RAF1: variants seen among roughly 807,000 people sequenced by gnomAD.
RAF1 encodes the protein Raf-1 proto-oncogene, serine/threonine kinase, also known as RAF proto-oncogene serine/threonine-protein kinase.
Under a neutral mutation model 81.1 loss-of-function variants are expected in RAF1, and 27 were observed. The observed-to-expected ratio is 0.33, with a 90% CI of 0.25 to 0.46. The LOEUF is 0.46. Among genes scored for constraint, RAF1 ranks in the 20% least tolerant of loss-of-function variants. The probability of loss-of-function intolerance (pLI) is 1.00; values close to 1 mark genes in which losing one functional copy is unlikely to be tolerated. For synonymous variants in RAF1, 298 were observed against 294.0 expected, an observed-to-expected ratio of 1.01 and a Z score of -0.14; for missense variants, 598 against 826.0, an observed-to-expected ratio of 0.72 and a Z score of 3.38.
chr3:12,592,293 G>A (rs987211102), intron 11 of RAF1, among the ~76,000 whole-genome samples: 8 of 152,154 alleles, frequency 5.3e-5, no homozygotes, highest in African/African-American at 1.7e-4. Context: ...TAAGGAAGCA[G>A]GCCATTTAGC....
rs534816391 is a variant in RAF1, at chr3:12,585,629, G to T, written c.1596+52C>A. 1.2e-4 allele frequency: 176 copies of T among 1,466,752 alleles called. No individual in the cohort carries two copies. The Middle Eastern group carries it at 2.4e-3, about 20-fold the overall frequency. 90.9% of individuals were successfully genotyped at this position (1,466,752 alleles called of 1,614,324 possible). The stretch of plus-strand genomic sequence containing the variant: ...TTAAGTTTGCACATAAATCTCCAAG[G>T]CATTCCTTTTGCCCTATACCAGAGA... On this transcript the variant is annotated intron_variant, in intron 15 of 17. Transcript: ENST00000442415.
intron 14 of RAF1, among the ~76,000 whole-genome samples, chr3:12,586,370 A>AGAAGTCATACAGTT (rs2058332609): frequency 6.6e-6 from 1 of 152,234 alleles, no homozygotes; most frequent in African/African-American, 2.4e-5. Context: ...TTCTGGGTAA[A>AGAAGTCATACAGTT]GAAGTCATAC....
intron 1 of RAF1, among the ~76,000 whole-genome samples, chr3:12,655,643 T>C (rs1384646133): frequency 3.3e-5 from 5 of 152,120 alleles, no homozygotes; most frequent in Non-Finnish European, 7.4e-5. Context: ...TGCAGCATTA[T>C]TTACAACAAC....
chr3:12,658,695 A>G (rs951002612), intron 1 of RAF1, among the ~76,000 whole-genome samples: 1 of 152,216 alleles, frequency 6.6e-6, no homozygotes, highest in African/African-American at 2.4e-5. Context: ...TCTAAATCAT[A>G]AAGATTTTAA....
intron 13 of RAF1, 125 bp downstream of exon 12, chr3:12,590,673 C>T (rs2058484893): frequency 2.6e-6 from 3 of 1,149,294 alleles, no homozygotes; most frequent in Admixed American, 3.7e-5. Context: ...CAGCCCAGGC[C>T]AGAGGCTTGT....
intron 2 of RAF1, among the ~76,000 whole-genome samples, chr3:12,614,080 C>G (rs996922095): frequency 6.6e-6 from 1 of 152,148 alleles, no homozygotes; most frequent in Non-Finnish European, 1.5e-5. Context: ...AGGTCGTGAA[C>G]AACAGGGTAA....
chr3:12,612,839 C>T (rs1404083549), intron 2 of RAF1, among the ~76,000 whole-genome samples: 5 of 152,106 alleles, frequency 3.3e-5, no homozygotes, highest in Non-Finnish European at 5.9e-5. Context: ...TATATGTTCA[C>T]TAGATTCATT....
chr3:12,656,849 T>C (rs1244686878), intron 1 of RAF1, among the ~76,000 whole-genome samples: 1 of 151,910 alleles, frequency 6.6e-6, no homozygotes, highest in African/African-American at 2.4e-5. Context: ...ATACAAAATT[T>C]AGCCGGGCGT....
chr3:12,661,477 T>G (rs1053809628), intron 1 of RAF1, among the ~76,000 whole-genome samples: 5 of 151,492 alleles, frequency 3.3e-5, no homozygotes, highest in Non-Finnish European at 7.4e-5. Context: ...GAGGCCGAGG[T>G]GGGCAGATCT....
intron 3 of RAF1, among the ~76,000 whole-genome samples, chr3:12,609,627 G>C (rs1156903441): frequency 1.3e-5 from 2 of 152,124 alleles, no homozygotes; most frequent in Non-Finnish European, 2.9e-5. Flanking sequence ...TCAGAATAAA[G>C]TTTTCTCTTT....
At position 12,584,598 on chromosome 3, in the gene RAF1, G is replaced by T; in HGVS notation, c.1923C>A (p.Ser641=). 1.9e-6 allele frequency: 3 copies of T among 1,614,116 alleles called. No homozygotes were observed. ...GGGCTGCCCGATGCAAGGATGGCTC[G>T]GAAGCGCTCCGGTTGATCTTCGGTA... Residue 641 remains serine, a synonymous_variant, in exon 18 of 18, where the codon TCC becomes TCA. Transcript: ENST00000442415.
chr3:12,657,504 C>T (rs2060733565), intron 1 of RAF1, among the ~76,000 whole-genome samples: 1 of 152,148 alleles, frequency 6.6e-6, no homozygotes, highest in Non-Finnish European at 1.5e-5. Context: ...GGCGCAGTGG[C>T]TCACACCTGT....
At chr3:12,633,532 C>T (rs1269392498) in intron 1 of RAF1, among the ~76,000 whole-genome samples, 1 of 149,362 alleles carries the variant, frequency 6.7e-6, no homozygotes, top group Non-Finnish European at 1.5e-5. Context: ...AAAAAATCCA[C>T]AATGAAAGAA....
chr3:12,625,170 A>G (rs1176103202), intron 1 of RAF1, among the ~76,000 whole-genome samples: 2 of 151,986 alleles, frequency 1.3e-5, no homozygotes, highest in African/African-American at 4.8e-5. Context: ...TGCAGCCTCC[A>G]CCTTCTGGGT....
At chr3:12,626,580 G>C (rs1559458567) in intron 1 of RAF1, among the ~76,000 whole-genome samples, 1 of 133,778 alleles carries the variant, frequency 7.5e-6, no homozygotes, top group Admixed American at 8.4e-5. Context: ...GACAGACCGA[G>C]ACCTTGTCTA....
intron 1 of RAF1, among the ~76,000 whole-genome samples, chr3:12,648,952 TAA>T (rs552357632): frequency 1.3e-3 from 194 of 152,116 alleles, no homozygotes; most frequent in African/African-American, 4.5e-3. Context: ...CAGTCTCTAC[TAA>T]AAATACAAAA....
At position 12,641,133 on chromosome 3, in the gene RAF1, T is replaced by C. The variant is rs1193398596; in HGVS notation, c.-26-22386A>G. Among the ~76,000 whole-genome samples, 4 of 146,914 alleles carry C rather than the reference T, an allele frequency of 2.7e-5. No individual in the cohort carries two copies. The East Asian group carries it at 8.1e-4, about 30-fold the overall frequency. ...CAAGGACAGAAAACCAAACGCCGCA[T>C]ATTCTCACACATAGGTGGGAATTGA... On this transcript the variant is annotated intron_variant, in intron 1 of 17. Transcript: ENST00000442415.
rs556624137 is a variant in RAF1 at position 12,611,616 on chromosome 3, C to A, written c.320+334G>T. Among the ~76,000 whole-genome samples, 31 of 152,248 alleles carry A rather than the reference C, an allele frequency of 2.0e-4. No individual in the cohort carries two copies. The Middle Eastern group carries it at 0.01, about 50-fold the overall frequency. On this transcript the variant is annotated intron_variant, in intron 3 of 17. Transcript: ENST00000442415. ...TCCGGAGGCTGAGGCAGGAAAATGG[C>A]GTGAACCCGGGAGGCGGAGCTTGCG...
chr3:12,598,940 T>TACA (rs2058776131), intron 11 of RAF1, among the ~76,000 whole-genome samples: 1 of 152,018 alleles, frequency 6.6e-6, no homozygotes, highest in Non-Finnish European at 1.5e-5. Flanking sequence ...TAATCTGAAT[T>TACA]TAGAAGAGAT....
Sources: gnomAD v4.1 joint callset for allele counts (sites outside exome capture counted in the v4.1 genomes callset) on GRCh38, gnomAD v4.1.1 for gene constraint, MANE v1.5 for transcripts, NCBI Gene and HGNC (gene_info 2026-07-23, HGNC 2026-07-21) for gene names.